The following VASP variants were observed in gnomAD, a reference collection of about 807,000 sequenced individuals.
The protein encoded by VASP is vasodilator-stimulated phosphoprotein.
Under a neutral mutation model 54.4 loss-of-function variants are expected in VASP, and 27 were observed. The observed-to-expected ratio is 0.50, with a 90% CI of 0.37 to 0.68. VASP has a LOEUF of 0.68. Ranked by LOEUF, VASP falls within the 30% of genes least tolerant of loss-of-function variation. The pLI is 0.00. For synonymous variants in VASP, 233 were observed against 209.8 expected (o/e 1.11, Z -0.96); for missense variants, 488 against 528.3 (o/e 0.92, Z 0.75).
At chr19:45,514,312 C>A (rs774991656) in intron 1 of VASP, among the ~76,000 whole-genome samples, 3 of 152,090 alleles carry the variant, frequency 2.0e-5, no homozygotes, top group South Asian at 2.1e-4. Flanking sequence ...CTGGAGAGAA[C>A]TTGGCATTGA....
chr19:45,520,911 C>T (rs1477692365), intron 3 of VASP, among the ~76,000 whole-genome samples: 1 of 152,204 alleles, frequency 6.6e-6, no homozygotes, highest in Non-Finnish European at 1.5e-5. Flanking sequence ...CTGTGGTGAG[C>T]CGTGATTGCA....
chr19:45,508,405 C>A (rs1014623733), intron 1 of VASP, among the ~76,000 whole-genome samples: 3 of 151,962 alleles, frequency 2.0e-5, no homozygotes, highest in African/African-American at 7.2e-5. Context: ...CTGGTGGGAC[C>A]CCCCCCTTCC....
At position 45,507,670 on chromosome 19, in the gene VASP, C is replaced by T. The variant is rs11551195; in HGVS notation, c.-102C>T. Reference sequence around the variant, plus strand: ...TCTATGGGGCGGGACCCTGGGGGAGCCTGAGCCGAGCCCGGAGCCAGCCCC... The same window carrying T: ...TCTATGGGGCGGGACCCTGGGGGAGTCTGAGCCGAGCCCGGAGCCAGCCCC... On this transcript the variant is annotated 5_prime_UTR_variant, in exon 1 of 13. Coordinates refer to ENST00000245932, the MANE Select transcript of VASP (RefSeq NM_003370.4). The surrounding 1 kb of genome is among the most constrained non-coding windows in gnomAD (Gnocchi z 4.4). 3.4e-6 allele frequency: 5 copies of T among 1,453,514 alleles called. No homozygotes were observed. Among genetic ancestry groups the T allele is most frequent in the East Asian group, 5.4e-5 (2 of 37,104 alleles). 90.0% of individuals were successfully genotyped at this position (1,453,514 alleles called of 1,614,324 possible).
rs1968893961 is a variant in VASP at position 45,523,656 on chromosome 19, G to A, written c.834G>A (p.Thr278=). The change falls in exon 8 of 13, where the codon ACG becomes ACA. Residue 278 remains threonine, a synonymous_variant. Transcript: ENST00000245932. ...TTCTCTCCTGCAGAAGGAAAGCCAC[G>A]CAAGTTGGGGAGAAAACCCCCAAGG... is the stretch of plus-strand genomic sequence containing the variant. ...NAMLARRRKA[T]QVGEKTPKDE... The A allele has an allele frequency of 5.6e-6, 9 of 1,614,088 alleles. No individual in the cohort carries two copies. The highest frequency in any genetic ancestry group is 5.0e-5 in the Admixed American group (3 of 59,988).
At chr19:45,523,608 G>A (rs536174584) in intron 7 of VASP, 36 bp from the exon 8 acceptor site, 1 of 1,612,218 alleles carries the variant, frequency 6.2e-7, no homozygotes, top group South Asian at 1.1e-5. Flanking sequence ...TGGGTTGGGT[G>A]ACGGAAGCAC....
intron 3 of VASP, among the ~76,000 whole-genome samples, chr19:45,521,053 G>A (rs1207821118): frequency 6.6e-6 from 1 of 152,216 alleles, no homozygotes; most frequent in Non-Finnish European, 1.5e-5. Flanking sequence ...GGAGAAATCT[G>A]GGGCAAGTGA....
Position 45,526,904 on chromosome 19 carries a change from G to A in VASP, c.*727G>A, listed in dbSNP as rs1408115399. 1 of 152,058 alleles carries A rather than the reference G, an allele frequency of 6.6e-6. No homozygotes were observed. Among genetic ancestry groups the A allele is most frequent in the Non-Finnish European group, 1.5e-5 (1 of 68,014 alleles). The allele number at this position is 152,058 out of a possible 1,614,324, so 9.4% of individuals were successfully genotyped here. ...AGATGAGGGAGAAAGGAGAAGGGGAGGAAACTTCTCCCCTCCCACCTTCAC... is the reference window on the plus strand; with the variant it reads ...AGATGAGGGAGAAAGGAGAAGGGGAAGAAACTTCTCCCCTCCCACCTTCAC... On this transcript the variant is annotated 3_prime_UTR_variant, in exon 13 of 13. Transcript: ENST00000245932.
At chr19:45,518,540 G>A (rs770357941) in intron 3 of VASP, among the ~76,000 whole-genome samples, 2 of 152,096 alleles carry the variant, frequency 1.3e-5, no homozygotes, top group Non-Finnish European at 2.9e-5. Flanking sequence ...TCAGCCTGGC[G>A]ACAGAGCAAG....
chr19:45,525,646 C>A (rs748263602), intron 11 of VASP: 1 of 218,728 alleles, frequency 4.6e-6, no homozygotes, highest in Admixed American at 5.6e-5. Flanking sequence ...TGCAGTCAGC[C>A]GAGATTGGGC....
chr19:45,517,844 C>A lies in VASP; in HGVS notation c.177+10C>A. On this transcript the variant is annotated intron_variant, in intron 2 of 12. Transcript: ENST00000245932. The stretch of plus-strand genomic sequence containing the variant: ...GCAGCCCGACCAGCAGGTGCAGCTT[C>A]CCGCCGGCCCCCTCTGTGGGCTGAA... 1 of 1,611,880 alleles carries A rather than the reference C, an allele frequency of 6.2e-7. No individual in the cohort carries two copies.
Position 45,519,922 on chromosome 19 carries a change from T to TTTTA in VASP, c.344-1400_344-1399insTTTA, listed in dbSNP as rs57222956. On this transcript the variant is annotated intron_variant, in intron 3 of 12. Coordinates refer to ENST00000245932, the MANE Select transcript of VASP (RefSeq NM_003370.4). ...TTTTTTTTTTTTTTTTTTTTTTTTTTAATATGGAGTCTCACTCTGTCTCTC... is the reference window on the plus strand; with the variant it reads ...TTTTTTTTTTTTTTTTTTTTTTTTTTTTTAAATATGGAGTCTCACTCTGTCTCTC... Among the ~76,000 whole-genome samples the TTTTA allele has an allele frequency of 1.8e-3, 183 of 102,326 alleles. 15 individuals carry two copies. The highest frequency in any genetic ancestry group is 4.7e-3 in the African/African-American group (112 of 24,010). 67.1% of individuals were successfully genotyped at this position (102,326 alleles called of 152,430 possible).
intron 3 of VASP, among the ~76,000 whole-genome samples, chr19:45,519,877 G>A (rs1414532476): frequency 7.2e-6 from 1 of 138,682 alleles, no homozygotes; most frequent in Non-Finnish European, 1.5e-5. Flanking sequence ...TTACAGGCGT[G>A]AGCCACTGCG....
At position 45,522,815 on chromosome 19, in the gene VASP, G is replaced by A. The variant is rs1968872562; in HGVS notation, c.818G>A (p.Arg273Gln). ...GAAGAGATGAACGCCATGCTGGCCC[G>A]GAGGTGAGCCTGAGCCTGGACCCCC... ...LMEEMNAMLA[R>Q]RRKATQVGEK... is the part of the protein sequence containing the mutation. Residue 273 changes from arginine to glutamine, a missense_variant, in exon 7 of 13, where the codon CGG becomes CAG. By Grantham distance (43) the Arg-to-Gln change is conservative. Around this residue, in one of 4 missense-constraint regions of VASP, gnomAD observed 126 missense variants for 134.8 expected, o/e 0.94. Transcript: ENST00000245932. The A allele has an allele frequency of 3.7e-6, 6 of 1,605,980 alleles. No individual in the cohort carries two copies. The highest frequency in any genetic ancestry group is 3.3e-5 in the South Asian group (3 of 90,216).
intron 11 of VASP, 63 bp from the exon 12 acceptor site, chr19:45,525,883 G>T (rs1460630238): frequency 8.6e-6 from 13 of 1,510,402 alleles, no homozygotes; most frequent in Non-Finnish European, 1.1e-5. Flanking sequence ...AATAAAAGAA[G>T]GGGGATTCAT....
Position 45,526,876 on chromosome 19 carries a change from A to G in VASP, c.*699A>G, listed in dbSNP as rs1334321636. ...CCATTTTTTTTACCCCTTGGAGGAA[A>G]TAAGATGAGGGAGAAAGGAGAAGGG... On this transcript the variant is annotated 3_prime_UTR_variant, in exon 13 of 13. Coordinates refer to ENST00000245932, the MANE Select transcript of VASP (RefSeq NM_003370.4). 6.6e-6 allele frequency: 1 copy of G among 152,040 alleles called. No homozygotes were observed. The highest frequency in any genetic ancestry group is 1.5e-5 in the Non-Finnish European group (1 of 68,002). The allele number at this position is 152,040 out of a possible 1,614,324, so 9.4% of individuals were successfully genotyped here.
rs200127646 is a variant in VASP at position 45,526,112 on chromosome 19, C to T, written c.1106-28C>T. On this transcript the variant is annotated intron_variant, in intron 12 of 12. Transcript: ENST00000245932. ...AAGGGAGGAGGCAGAGACTCTGCCC[C>T]TGACCTCTGCTCCTTGTTTCCTTCC... is the stretch of plus-strand genomic sequence containing the variant. 2,486 of 1,613,934 alleles carry T rather than the reference C, an allele frequency of 1.5e-3. 4 individuals carry two copies. The highest frequency in any genetic ancestry group is 1.9e-3 in the Non-Finnish European group (2,244 of 1,179,950).
Position 45,522,369 on chromosome 19 carries a change from C to T in VASP, c.508C>T (p.Pro170Ser). The change falls in exon 6 of 13, where the codon CCA (proline) becomes TCA (serine). Residue 170 changes from proline (P) to serine (S), a missense_variant. Around this residue, in one of 4 missense-constraint regions of VASP, gnomAD observed 226 missense variants for 196.0 expected, o/e 1.15. Coordinates refer to ENST00000245932, the MANE Select transcript of VASP (RefSeq NM_003370.4). ...CCCACCTGCTCCCCCCGCTGGGGGT[C>T]CACCCCCACCACCAGGACCTCCCCC... The part of the protein sequence containing the change: ...GGPPAPPAGG[P>S]PPPPGPPPPP... 7 of 1,535,200 alleles carry T rather than the reference C, an allele frequency of 4.6e-6. No individual in the cohort carries two copies. Among genetic ancestry groups the T allele is most frequent in the Non-Finnish European group, 6.2e-6 (7 of 1,131,494 alleles).
chr19:45,507,843 T>A lies in VASP; in HGVS notation c.5+67T>A. ...GCTCCGCGCCCCGCCTTTGTCCCCC[T>A]CCCCCCCAGCTAGCTCCGGGCTGGA... is the stretch of plus-strand genomic sequence containing the variant. On this transcript the variant is annotated intron_variant, in intron 1 of 12. Transcript: ENST00000245932. This position sits in a 1 kb window ranked among gnomAD's most constrained non-coding sequence, Gnocchi z 4.4. The A allele has an allele frequency of 3.7e-6, 3 of 809,952 alleles. No individual in the cohort carries two copies. Among genetic ancestry groups the A allele is most frequent in the Non-Finnish European group, 3.2e-6 (2 of 629,080 alleles). The allele number at this position is 809,952 out of a possible 1,614,324, so 50.2% of individuals were successfully genotyped here. A position where few individuals can be genotyped will look rare whatever the true frequency, so the allele number is the denominator to read the frequency against.
chr19:45,514,124 T>G (rs1472141532), intron 1 of VASP, among the ~76,000 whole-genome samples: 1 of 151,886 alleles, frequency 6.6e-6, no homozygotes, highest in Non-Finnish European at 1.5e-5. Context: ...AGGAGAGACC[T>G]GAAAGTGGGG....
Sources: gnomAD v4.1 joint callset for allele counts (sites outside exome capture counted in the v4.1 genomes callset) on GRCh38, gnomAD v4.1.1 for gene constraint, gnomAD v4.1.1 regional missense constraint, Gnocchi (gnomAD v3.1) non-coding constraint, MANE v1.5 for transcripts, NCBI Gene and HGNC (gene_info 2026-07-23, HGNC 2026-07-21) for gene names.